ADGRV1: variants seen among roughly 807,000 people sequenced by gnomAD.
The protein encoded by ADGRV1 is G-protein coupled receptor 98.
A neutral mutation model predicts 596.2 loss-of-function variants in ADGRV1; 359 were observed. The observed-to-expected ratio is 0.60, with a 90% CI of 0.55 to 0.66. The LOEUF (loss-of-function observed/expected upper bound fraction) is 0.66. Ranked by LOEUF, ADGRV1 falls within the 30% of genes least tolerant of loss-of-function variation. ADGRV1 has a pLI of 0.00. For missense variants in ADGRV1, 7,274 were observed against 7,575.6 expected (o/e 0.96, Z 1.48); for synonymous variants, 2,681 against 2,679.2 (o/e 1.00, Z -0.02).
intron 87 of ADGRV1, among the ~76,000 whole-genome samples, chr5:91,141,755 G>T (rs189110034): frequency 1.4e-3 from 212 of 152,322 alleles, no homozygotes; most frequent in African/African-American, 4.3e-3. Context: ...ACAGCAGTAG[G>T]TCAGCAGCCC....
chr5:90,924,892 C>T (rs1006497541), intron 83 of ADGRV1, among the ~76,000 whole-genome samples: 1 of 151,808 alleles, frequency 6.6e-6, no homozygotes, highest in Non-Finnish European at 1.5e-5. Flanking sequence ...AATAGGGAAT[C>T]CTTTCCCCAT....
chr5:90,565,926 C>T (rs1483580189), intron 1 of ADGRV1, among the ~76,000 whole-genome samples: 1 of 152,088 alleles, frequency 6.6e-6, no homozygotes, highest in Non-Finnish European at 1.5e-5. Flanking sequence ...TGTTGAGAAC[C>T]TTTTCATATG....
intron 17 of ADGRV1, among the ~76,000 whole-genome samples, chr5:90,648,121 T>C (rs16868924): frequency 0.16 from 23,962 of 152,156 alleles, 2,073 homozygotes; most frequent in East Asian, 0.37. Context: ...AGGTATCCTG[T>C]AGCATTTTCC....
At chr5:90,964,268 A>G (rs1411393160) in intron 83 of ADGRV1, among the ~76,000 whole-genome samples, 1 of 152,078 alleles carries the variant, frequency 6.6e-6, no homozygotes, top group Non-Finnish European at 1.5e-5. Flanking sequence ...TTTCTTTTTA[A>G]AAGTTAAGAG....
At chr5:90,656,519 T>TCCTGTATATCATACA (rs1236626914) in intron 20 of ADGRV1, among the ~76,000 whole-genome samples, 1 of 152,170 alleles carries the variant, frequency 6.6e-6, no homozygotes, top group Admixed American at 6.5e-5. Context: ...TCATTACAGT[T>TCCTGTATATCATACA]GCCAGATAAT....
At chr5:90,994,660 T>A (rs1213473401) in intron 85 of ADGRV1, among the ~76,000 whole-genome samples, 1 of 152,230 alleles carries the variant, frequency 6.6e-6, no homozygotes, top group Non-Finnish European at 1.5e-5. Flanking sequence ...ACATTCTATG[T>A]GGAAATTTTA....
At chr5:90,742,441 C>A (rs887063400) in intron 50 of ADGRV1, among the ~76,000 whole-genome samples, 4 of 151,998 alleles carry the variant, frequency 2.6e-5, no homozygotes, top group South Asian at 2.1e-4. Flanking sequence ...AGAAAGGGAC[C>A]AATGTGGCCC....
At chr5:90,819,529 T>C (rs1210645690) in intron 75 of ADGRV1, among the ~76,000 whole-genome samples, 15 of 150,536 alleles carry the variant, frequency 1.0e-4, no homozygotes, top group African/African-American at 3.5e-4. Flanking sequence ...TTTGGATCTT[T>C]CCTGCTTTCT....
intron 1 of ADGRV1, among the ~76,000 whole-genome samples, chr5:90,600,551 T>C (rs899633540): frequency 2.0e-5 from 3 of 152,202 alleles, no homozygotes; most frequent in Non-Finnish European, 4.4e-5. Context: ...ATCCAGTCTA[T>C]CATTGATGGA....
At chr5:90,848,994 A>G (rs187603683) in intron 79 of ADGRV1, among the ~76,000 whole-genome samples, 173 bp downstream of exon 79, 36 of 152,358 alleles carry the variant, frequency 2.4e-4, no homozygotes, top group Admixed American at 1.4e-3. Flanking sequence ...TAGCAGGTAC[A>G]TCAAAAAAAT....
chr5:90,886,569 C>T (rs540718161), intron 83 of ADGRV1, among the ~76,000 whole-genome samples: 5 of 152,270 alleles, frequency 3.3e-5, no homozygotes, highest in African/African-American at 1.2e-4. Flanking sequence ...AAGCTTTAAC[C>T]ATTTTTGTAT....
chr5:90,664,825 G>C lies in ADGRV1; in HGVS notation c.4752+6547G>C, dbSNP rs201948830. On this transcript the variant is annotated intron_variant, in intron 21 of 89. Transcript: ENST00000405460. ...TTTATTGAGAGTTTTTAGCATGAAG[G>C]GTTGTTGAATGTTGTCAAAGGCCTT... 1.9e-3 allele frequency among the ~76,000 whole-genome samples: 268 copies of C among 138,834 alleles called. 5 individuals are homozygous for C. The East Asian group carries it at 0.031, about 16-fold the overall frequency. 91.1% of individuals were successfully genotyped at this position (138,834 alleles called of 152,430 possible).
At chr5:90,843,900 A>G (rs1765644095) in intron 78 of ADGRV1, among the ~76,000 whole-genome samples, 2 of 152,210 alleles carry the variant, frequency 1.3e-5, no homozygotes, top group African/African-American at 2.4e-5. Flanking sequence ...TATTTTAAGC[A>G]TAGCAATAAT....
At chr5:90,725,465 AT>A (rs1394556537) in intron 47 of ADGRV1, 83 bp from the exon 48 acceptor site, 1 of 822,694 alleles carries the variant, frequency 1.2e-6, no homozygotes, top group Non-Finnish European at 2.0e-6. Context: ...TGCACTTCAG[AT>A]TTTAACTCAT....
intron 89 of ADGRV1, among the ~76,000 whole-genome samples, chr5:91,163,077 G>A (rs896967302): frequency 2.0e-5 from 3 of 152,126 alleles, no homozygotes; most frequent in Admixed American, 6.5e-5. Flanking sequence ...AAAGAACAAG[G>A]TGTTACTCTA....
At chr5:91,082,729 C>T (rs564371706) in intron 86 of ADGRV1, among the ~76,000 whole-genome samples, 6 of 152,276 alleles carry the variant, frequency 3.9e-5, no homozygotes, top group Non-Finnish European at 7.4e-5. Flanking sequence ...CTGTGTTTCT[C>T]TCTCAACCTC....
chr5:90,798,745 A>C (rs992107564), intron 70 of ADGRV1, among the ~76,000 whole-genome samples: 4 of 152,256 alleles, frequency 2.6e-5, no homozygotes, highest in African/African-American at 7.2e-5. Context: ...ACTCGGCTTC[A>C]TACCTGGGAT....
intron 79 of ADGRV1, among the ~76,000 whole-genome samples, chr5:90,851,267 T>C (rs972798701): frequency 6.6e-6 from 1 of 151,880 alleles, no homozygotes; most frequent in African/African-American, 2.4e-5. Flanking sequence ...CATAGGGGAT[T>C]ACTGTTCAGG....
At chr5:90,697,346 ATG>A (rs904781396) in intron 34 of ADGRV1, among the ~76,000 whole-genome samples, 200 bp downstream of exon 34, 1 of 152,098 alleles carries the variant, frequency 6.6e-6, no homozygotes, top group African/African-American at 2.4e-5. Context: ...AACCAATACC[ATG>A]TTCTAGCTTG....
Sources: allele counts gnomAD v4.1 joint callset (sites outside exome capture counted in the v4.1 genomes callset), GRCh38; gene constraint gnomAD v4.1.1; transcripts MANE v1.5; gene names NCBI Gene and HGNC (gene_info 2026-07-23, HGNC 2026-07-21).